The following ASS1 variants were observed in gnomAD, a reference collection of about 807,000 sequenced individuals.
ASS1 encodes argininosuccinate synthase 1, also known as argininosuccinate synthase.
In ASS1, 58 loss-of-function variants were observed where a neutral mutation model predicts 60.5. That is an observed-to-expected ratio of 0.96 (90% CI 0.78 to 1.19). ASS1 has a LOEUF of 1.19. Among genes scored for constraint, ASS1 ranks in the 50% most tolerant of loss-of-function variants. The pLI, the probability that ASS1 is intolerant of heterozygous loss-of-function variation, is 0.00. For synonymous variants in ASS1, 200 were observed against 206.9 expected, an observed-to-expected ratio of 0.97 and a Z score of 0.29; for missense variants, 454 against 547.3, an observed-to-expected ratio of 0.83 and a Z score of 1.70.
chr9:130,479,822 C>A, intron 10 of ASS1, 22 bp downstream of exon 10: 2 of 1,609,582 alleles, frequency 1.2e-6, no homozygotes, highest in Non-Finnish European at 1.7e-6. Flanking sequence ...CAGCCCTGTC[C>A]GGCCTCTTGG....
intron 5 of ASS1, 24 bp from the exon 6 acceptor site, chr9:130,466,701 T>C: frequency 6.2e-7 from 1 of 1,611,994 alleles, no homozygotes; most frequent in Admixed American, 1.7e-5. Context: ...CCCTCCCGGC[T>C]CTGACCCCTT....
At position 130,501,013 on chromosome 9, in the gene ASS1, G is replaced by A; in HGVS notation, c.1231G>A (p.Ala411Thr). ...EYHRLQSKVT[A>T]K ...TCATCGTCTCCAGAGCAAGGTCACT[G>A]CCAAATAGACCCGTGTACAATGAGG... Residue 411 changes from alanine to threonine, a missense_variant, in exon 15 of 15, where the codon GCC becomes ACC. Ala to Thr is a moderately conservative substitution (Grantham distance 58). Transcript: ENST00000352480. 3 of 1,613,108 alleles carry A rather than the reference G, an allele frequency of 1.9e-6. No homozygotes were observed. Among genetic ancestry groups the A allele is most frequent in the Non-Finnish European group, 2.5e-6 (3 of 1,179,824 alleles).
At chr9:130,463,903 T>C (rs972360379) in intron 4 of ASS1, among the ~76,000 whole-genome samples, 3 of 151,704 alleles carry the variant, frequency 2.0e-5, no homozygotes, top group Non-Finnish European at 2.9e-5. Flanking sequence ...ATGTGTGCCC[T>C]CTCCTATACT....
chr9:130,499,397 G>T, intron 13 of ASS1, 108 bp from the exon 14 acceptor site: 1 of 1,174,882 alleles, frequency 8.5e-7, no homozygotes, highest in Non-Finnish European at 1.2e-6. Flanking sequence ...CCACACAGGG[G>T]AAATGCCCTG....
At chr9:130,471,032 C>A in intron 7 of ASS1, 128 bp downstream of exon 7, 2 of 1,091,086 alleles carry the variant, frequency 1.8e-6, no homozygotes, top group South Asian at 1.3e-5. Flanking sequence ...TGAGAGGCCT[C>A]AGGCAGGACA....
chr9:130,486,264 T>C (rs1460397078), intron 11 of ASS1, among the ~76,000 whole-genome samples: 2 of 152,102 alleles, frequency 1.3e-5, no homozygotes, highest in Non-Finnish European at 2.9e-5. Flanking sequence ...GCTAATTTTT[T>C]TAATTTTTTG....
Position 130,488,937 on chromosome 9 carries a change from G to C in ASS1, c.839-396G>C, listed in dbSNP as rs1846376607. ...TGTGCACAGCTGTCCCCCTCCCCTGGCTCCCTGGTGGAAGGGAAGAAGGGA... is the reference window on the plus strand; with the variant it reads ...TGTGCACAGCTGTCCCCCTCCCCTGCCTCCCTGGTGGAAGGGAAGAAGGGA... On this transcript the variant is annotated intron_variant, in intron 11 of 14. Coordinates refer to ENST00000352480, the MANE Select transcript of ASS1 (RefSeq NM_054012.4). The surrounding 1 kb of genome is among the most constrained non-coding windows in gnomAD (Gnocchi z 5.2). 6.6e-6 allele frequency among the ~76,000 whole-genome samples: 1 copy of C among 152,184 alleles called. No individual in the cohort carries two copies. Among genetic ancestry groups the C allele is most frequent in the African/African-American group, 2.4e-5 (1 of 41,444 alleles).
At chr9:130,452,419 A>T in intron 2 of ASS1, 86 bp downstream of exon 2, 1 of 1,198,626 alleles carries the variant, frequency 8.3e-7, no homozygotes, top group Non-Finnish European at 1.2e-6. Context: ...CTGGGTTGTC[A>T]GCCTGTCTGC....
At position 130,476,949 on chromosome 9, in the gene ASS1, G is replaced by A. The variant is rs761813681; in HGVS notation, c.676G>A (p.Glu226Lys). The A allele has an allele frequency of 5.0e-6, 8 of 1,613,908 alleles. No homozygotes were observed. Among genetic ancestry groups the A allele is most frequent in the Non-Finnish European group, 6.8e-6 (8 of 1,179,968 alleles). The change falls in exon 9 of 15, where the codon GAG becomes AAG. Residue 226 changes from glutamate to lysine, a missense_variant. Transcript: ENST00000352480. The surrounding 1 kb of genome is among the most constrained non-coding windows in gnomAD (Gnocchi z 4.9). ...CAACACCCCTGACATTCTCGAGATCGAGTTCAAAAAAGGTATGTGCCCACC... is the reference window on the plus strand; with the variant it reads ...CAACACCCCTGACATTCTCGAGATCAAGTTCAAAAAAGGTATGTGCCCACC... ...APNTPDILEI[E>K]FKKGVPVKVT...
In ASS1 at chr9:130,491,695, G is replaced by T. The variant is rs1846454331; in HGVS notation, c.970+2231G>T. On this transcript the variant is annotated intron_variant, in intron 12 of 14. Transcript: ENST00000352480. This position sits in a 1 kb window ranked among gnomAD's most constrained non-coding sequence, Gnocchi z 5.3. The stretch of plus-strand genomic sequence containing the variant: ...CTCTACACTGGACTGGCTGGGTTGA[G>T]TCCCTGCTCTGACAGCCAGCGACAA... 6.6e-6 allele frequency among the ~76,000 whole-genome samples: 1 copy of T among 152,216 alleles called. No homozygotes were observed. Among genetic ancestry groups the T allele is most frequent in the Non-Finnish European group, 1.5e-5 (1 of 68,042 alleles).
intron 7 of ASS1, 139 bp from the exon 8 acceptor site, chr9:130,471,346 A>G (rs1162027090): frequency 7.6e-6 from 8 of 1,054,634 alleles, no homozygotes; most frequent in Non-Finnish European, 1.2e-5. Context: ...AGAATGTTTC[A>G]GGCAGGTTGG....
rs958116287 is a variant in ASS1 at position 130,459,857 on chromosome 9, C to T, written c.363+1268C>T. Among the ~76,000 whole-genome samples, 13 of 152,236 alleles carry T rather than the reference C, an allele frequency of 8.5e-5. No individual in the cohort carries two copies. The highest frequency in any genetic ancestry group is 2.7e-4 in the African/African-American group (11 of 41,464). On this transcript the variant is annotated intron_variant, in intron 4 of 14. Coordinates refer to ENST00000352480, the MANE Select transcript of ASS1 (RefSeq NM_054012.4). This position sits in a 1 kb window ranked among gnomAD's most constrained non-coding sequence, Gnocchi z 4.6. ...CATCCCGTACCCCTTCCCTCCGGGC[C>T]GTGTGTCCCAGTGCAGACTGCGGGG...
At chr9:130,487,711 G>GT (rs1245720622) in intron 11 of ASS1, among the ~76,000 whole-genome samples, 1 of 151,834 alleles carries the variant, frequency 6.6e-6, no homozygotes, top group African/African-American at 2.4e-5. Flanking sequence ...GTCACTTAGC[G>GT]TCACGGCCTT....
intron 8 of ASS1, among the ~76,000 whole-genome samples, chr9:130,473,507 A>G (rs73655358): frequency 0.039 from 2,123 of 53,980 alleles, 43 homozygotes; most frequent in African/African-American, 0.086. Context: ...AGTCCCACCC[A>G]GGCACCCAGA....
chr9:130,499,478 G>A (rs967124000), intron 13 of ASS1, 27 bp from the exon 14 acceptor site: 3 of 1,611,014 alleles, frequency 1.9e-6, no homozygotes, highest in East Asian at 4.5e-5. Context: ...GCCAGGCTGA[G>A]CTGACAAGCT....
At position 130,458,549 on chromosome 9, in the gene ASS1, G is replaced by T. The variant is rs35269064; in HGVS notation, c.323G>T (p.Arg108Leu). The change falls in exon 4 of 15, where the codon CGG (arginine) becomes CTG (leucine). Residue 108 changes from arginine to leucine, a missense_variant. Transcript: ENST00000352480. ...IARKQVEIAQ[R>L]EGAKYVSHGA... Reference sequence around the variant, plus strand: ...CGCAAACAAGTGGAAATCGCCCAGCGGGAGGGGGCCAAGTATGTGTCCCAC... The same window carrying T: ...CGCAAACAAGTGGAAATCGCCCAGCTGGAGGGGGCCAAGTATGTGTCCCAC... The T allele has an allele frequency of 2.1e-3, 3,336 of 1,613,360 alleles. 23 individuals are homozygous for T. Among genetic ancestry groups the T allele is most frequent in the Middle Eastern group, 0.016 (89 of 5,694 alleles).
chr9:130,452,162 G>T, intron 1 of ASS1, 62 bp from the exon 2 acceptor site: 1 of 1,439,436 alleles, frequency 6.9e-7, no homozygotes, highest in Non-Finnish European at 9.7e-7. Context: ...GCTGTCTGCA[G>T]GGGCTGGCGG....
chr9:130,449,812 G>A (rs1003312276), intron 1 of ASS1, among the ~76,000 whole-genome samples: 4 of 152,112 alleles, frequency 2.6e-5, no homozygotes, highest in South Asian at 2.1e-4. Context: ...GGGCGCATCC[G>A]CACGCCGAAA....
At chr9:130,493,748 G>GGCCTGCCT (rs58946745) in intron 12 of ASS1, among the ~76,000 whole-genome samples, 8 of 151,940 alleles carry the variant, frequency 5.3e-5, no homozygotes, top group African/African-American at 1.2e-4. Flanking sequence ...CCCCCGCCAT[G>GGCCTGCCT]GCCTGCCTGC....
Sources: allele counts gnomAD v4.1 joint callset (sites outside exome capture counted in the v4.1 genomes callset), GRCh38; gene constraint gnomAD v4.1.1; non-coding constraint Gnocchi (gnomAD v3.1); transcripts MANE v1.5; gene names NCBI Gene and HGNC (gene_info 2026-07-23, HGNC 2026-07-21).